The following GRIK2 variants were observed in gnomAD, a reference collection of about 807,000 sequenced individuals.
GRIK2 encodes the protein glutamate ionotropic receptor kainate type subunit 2, also known as glutamate receptor ionotropic, kainate 2.
GRIK2 carries 32 observed loss-of-function variants against 100.3 expected under a neutral mutation model. The ratio of observed to expected loss-of-function variants is 0.32; its 90% CI spans 0.24 to 0.43. The LOEUF is 0.43. GRIK2 is among the 20% of genes least tolerant of loss of function. GRIK2 has a pLI of 1.00. For missense variants in GRIK2, 843 were observed against 1,114.9 expected, an observed-to-expected ratio of 0.76 and a Z score of 3.47; for synonymous variants, 417 against 389.4, an observed-to-expected ratio of 1.07 and a Z score of -0.83.
intron 2 of GRIK2, among the ~76,000 whole-genome samples, chr6:101,561,568 G>A (rs909496763): frequency 6.6e-6 from 1 of 151,980 alleles, no homozygotes; most frequent in African/African-American, 2.4e-5. Flanking sequence ...CTATGATTTG[G>A]TCATTACACA....
At chr6:101,406,839 G>A (rs948425885) in intron 2 of GRIK2, among the ~76,000 whole-genome samples, 2 of 152,096 alleles carry the variant, frequency 1.3e-5, no homozygotes, top group African/African-American at 4.8e-5. Context: ...TTTTAAATAA[G>A]ATGTAAATTA....
chr6:101,547,450 C>T (rs974935735), intron 2 of GRIK2, among the ~76,000 whole-genome samples: 22 of 152,250 alleles, frequency 1.4e-4, no homozygotes, highest in African/African-American at 5.1e-4. Context: ...GATATATCTC[C>T]TAATGCTATC....
At chr6:102,028,257 C>T (rs767306520) in intron 14 of GRIK2, among the ~76,000 whole-genome samples, 1 of 151,060 alleles carries the variant, frequency 6.6e-6, no homozygotes, top group Non-Finnish European at 1.5e-5. Context: ...GGGTGTATTT[C>T]TTATTCCTTT....
At chr6:102,033,157 A>G (rs1213053077) in intron 14 of GRIK2, among the ~76,000 whole-genome samples, 1 of 151,346 alleles carries the variant, frequency 6.6e-6, no homozygotes, top group East Asian at 1.9e-4. Context: ...GTATTTGTAA[A>G]TAATTTGGAA....
At chr6:101,718,708 A>G (rs1023303236) in intron 7 of GRIK2, among the ~76,000 whole-genome samples, 4 of 151,896 alleles carry the variant, frequency 2.6e-5, no homozygotes, top group African/African-American at 7.2e-5. Context: ...GATATCAAAC[A>G]GTTCACCACC....
At chr6:101,588,668 G>GCACACACACGCA (rs891615574) in intron 2 of GRIK2, among the ~76,000 whole-genome samples, 6 of 143,216 alleles carry the variant, frequency 4.2e-5, no homozygotes, top group South Asian at 2.2e-4. Flanking sequence ...ACACGCACAC[G>GCACACACACGCA]CACACACACA....
chr6:101,835,293 G>A (rs904409595), intron 10 of GRIK2, among the ~76,000 whole-genome samples: 5 of 151,932 alleles, frequency 3.3e-5, no homozygotes, highest in African/African-American at 1.2e-4. Flanking sequence ...TCCACTTTAT[G>A]TTTGTAATTT....
intron 2 of GRIK2, among the ~76,000 whole-genome samples, chr6:101,609,352 G>C (rs950857873): frequency 2.0e-5 from 3 of 151,736 alleles, no homozygotes; most frequent in African/African-American, 7.3e-5. Flanking sequence ...GAAACTAGTT[G>C]TAAAGAGTAA....
chr6:101,534,321 GA>G (rs1345689606), intron 2 of GRIK2, among the ~76,000 whole-genome samples: 2 of 151,878 alleles, frequency 1.3e-5, no homozygotes, highest in East Asian at 3.9e-4. Context: ...CTTTAATACA[GA>G]AAAGCTTCAG....
intron 12 of GRIK2, among the ~76,000 whole-genome samples, chr6:101,922,370 A>C (rs1055823548): frequency 6.6e-6 from 1 of 152,280 alleles, no homozygotes; most frequent in Admixed American, 6.5e-5. Flanking sequence ...TCAGTCAAAC[A>C]AATTACACAG....
intron 3 of GRIK2, among the ~76,000 whole-genome samples, chr6:101,625,110 A>C (rs1007146919): frequency 4.0e-5 from 6 of 151,412 alleles, no homozygotes; most frequent in Non-Finnish European, 8.8e-5. Context: ...GTGGTGGCTC[A>C]TGCCTGTAAT....
chr6:101,583,864 A>T (rs540206890), intron 2 of GRIK2, among the ~76,000 whole-genome samples: 4 of 152,138 alleles, frequency 2.6e-5, no homozygotes, highest in Admixed American at 2.0e-4. Flanking sequence ...CTCATCAAAC[A>T]TATTGCCTAA....
intron 4 of GRIK2, among the ~76,000 whole-genome samples, chr6:101,637,609 C>T (rs1052136334): frequency 2.6e-5 from 4 of 152,216 alleles, no homozygotes; most frequent in Admixed American, 2.0e-4. Context: ...GTCTACCTGA[C>T]GTAGAGAAAA....
At chr6:101,515,521 A>ATAGTGG (rs1774541399) in intron 2 of GRIK2, among the ~76,000 whole-genome samples, 1 of 152,156 alleles carries the variant, frequency 6.6e-6, no homozygotes, top group South Asian at 2.1e-4. Context: ...GTACTAGTTT[A>ATAGTGG]CATTCCCACC....
chr6:102,000,200 A>C (rs1794861876), intron 14 of GRIK2, among the ~76,000 whole-genome samples: 2 of 150,564 alleles, frequency 1.3e-5, no homozygotes, highest in African/African-American at 2.4e-5. Flanking sequence ...AGTTTATTTA[A>C]ATTTTTTTTA....
intron 12 of GRIK2, among the ~76,000 whole-genome samples, chr6:101,891,389 C>A (rs1787076233): frequency 1.3e-5 from 2 of 151,308 alleles, no homozygotes; most frequent in Non-Finnish European, 2.9e-5. Context: ...TGGTGGTGTG[C>A]ACCTGTAGTC....
At chr6:101,991,392 T>C (rs183705766) in intron 14 of GRIK2, among the ~76,000 whole-genome samples, 710 of 20,710 alleles carry the variant, frequency 0.034, 8 homozygotes, top group African/African-American at 0.048. Context: ...ATTTGCTATG[T>C]TTTTTTTTTT....
chr6:101,640,546 C>T (rs1463781061), intron 4 of GRIK2, among the ~76,000 whole-genome samples: 4 of 152,104 alleles, frequency 2.6e-5, no homozygotes, highest in African/African-American at 9.7e-5. Flanking sequence ...GCAGACCTGG[C>T]TTTTATGAGA....
Position 101,615,955 on chromosome 6 carries a change from C to G in GRIK2, c.116-5994C>G, listed in dbSNP as rs942922038. 6.6e-5 allele frequency among the ~76,000 whole-genome samples: 10 copies of G among 151,568 alleles called. No homozygotes were observed. In the Admixed American group the frequency reaches 6.6e-4, roughly 10 times the overall value. ...AAGAAAATACATGAAGTATATATGC[C>G]CCTGATTTCCTGCCCATCTTCACAT... On this transcript the variant is annotated intron_variant, in intron 2 of 16. Transcript: ENST00000369134.
Sources: gnomAD v4.1 joint callset for allele counts (sites outside exome capture counted in the v4.1 genomes callset) on GRCh38, gnomAD v4.1.1 for gene constraint, MANE v1.5 for transcripts, NCBI Gene and HGNC (gene_info 2026-07-23, HGNC 2026-07-21) for gene names.